MLLT1: variants seen among roughly 807,000 people sequenced by gnomAD.
MLLT1 encodes the protein protein ENL.
A neutral mutation model predicts 55.1 loss-of-function variants in MLLT1; 11 were observed. The ratio of observed to expected loss-of-function variants is 0.20; its 90% CI spans 0.13 to 0.33. The LOEUF is 0.33. Among genes scored for constraint, MLLT1 ranks in the 10% least tolerant of loss-of-function variants. The pLI, the probability that MLLT1 is intolerant of heterozygous loss-of-function variation, is 1.00. For missense variants in MLLT1, 536 were observed against 760.6 expected (o/e 0.70, Z 3.47); for synonymous variants, 323 against 320.1 (o/e 1.01, Z -0.10).
chr19:6,221,124 C>T (rs901459288), intron 6 of MLLT1, among the ~76,000 whole-genome samples: 1 of 152,206 alleles, frequency 6.6e-6, no homozygotes, highest in East Asian at 1.9e-4. Flanking sequence ...CTGGGACCTG[C>T]ATTCAAAGCC....
In MLLT1 at chr19:6,213,053, C is replaced by T; in HGVS notation, c.1669G>A (p.Val557Met). The change falls in exon 12 of 12, where the codon GTG becomes ATG. Residue 557 changes from valine (V) to methionine (M), a missense_variant. Around this residue, in one of 3 missense-constraint regions of MLLT1, gnomAD observed 25 missense variants for 75.8 expected, o/e 0.33. Transcript: ENST00000252674. The part of the protein sequence containing the change: ...VRKLQSCLEA[V>M]AT ...CACGCGGCCCAGGGTCATGTGGCCA[C>T]GGCCTCCAGGCAGCTCTGCAGTTTG... 3.7e-6 allele frequency: 6 copies of T among 1,613,628 alleles called. No homozygotes were observed. Among genetic ancestry groups the T allele is most frequent in the East Asian group, 2.2e-5 (1 of 44,864 alleles).
rs370146047 is a variant in MLLT1 at position 6,226,943 on chromosome 19, G to A, written c.546+34C>T. 1.7e-4 allele frequency: 253 copies of A among 1,524,926 alleles called. No individual in the cohort carries two copies. The highest frequency in any genetic ancestry group is 2.0e-4 in the Non-Finnish European group (233 of 1,137,476). The allele number at this position is 1,524,926 out of a possible 1,614,324, so 94.5% of individuals were successfully genotyped here. A position where few individuals can be genotyped will look rare whatever the true frequency, so the allele number is the denominator to read the frequency against. ...AGACCCACCACAGCTGGGCCCCGGC[G>A]CTCCCACGCGACTGGGCCTTCCGCC... is the stretch of plus-strand genomic sequence containing the variant. On this transcript the variant is annotated intron_variant, in intron 5 of 11. Transcript: ENST00000252674. This position sits in a 1 kb window ranked among gnomAD's most constrained non-coding sequence, Gnocchi z 6.3.
At position 6,222,381 on chromosome 19, in the gene MLLT1, T is replaced by C. The variant is rs557810555; in HGVS notation, c.850A>G (p.Ser284Gly). The C allele has an allele frequency of 4.6e-4, 271 of 588,268 alleles. 4 individuals are homozygous for C. The South Asian group carries it at 5.9e-3, about 13-fold the overall frequency. 36.4% of individuals were successfully genotyped at this position (588,268 alleles called of 1,614,324 possible). A position where few individuals can be genotyped will look rare whatever the true frequency, so the allele number is the denominator to read the frequency against. ...PPPPPPPRASSKRPATADSPK... is the reference protein window; with the variant it reads ...PPPPPPPRASGKRPATADSPK... ...GAGTCGGCGGTGGCCGGCCGCTTGC[T>C]GGAAGCCCGGGGTGGGGGTGGGGGT... Residue 284 changes from serine (S) to glycine (G), a missense_variant, in exon 6 of 12, where the codon AGC (serine) becomes GGC (glycine). This residue lies in a region of MLLT1 where 449 missense variants were observed against 489.0 expected (regional missense o/e 0.92). Coordinates refer to ENST00000252674, the MANE Select transcript of MLLT1 (RefSeq NM_005934.4). The surrounding 1 kb of genome is among the most constrained non-coding windows in gnomAD (Gnocchi z 4.1).
At position 6,256,016 on chromosome 19, in the gene MLLT1, G is replaced by A. The variant is rs1016941623; in HGVS notation, c.276+6212C>T. Among the ~76,000 whole-genome samples, 1 of 151,912 alleles carries A rather than the reference G, an allele frequency of 6.6e-6. No homozygotes were observed. Among genetic ancestry groups the A allele is most frequent in the Non-Finnish European group, 1.5e-5 (1 of 67,994 alleles). ...GGTAGATCACCTGAGGTCAGTTCGA[G>A]ACCAGCCTGGCCAATGTGGTGAAAC... On this transcript the variant is annotated intron_variant, in intron 3 of 11. Transcript: ENST00000252674. The surrounding 1 kb of genome is among the most constrained non-coding windows in gnomAD (Gnocchi z 4.1).
At chr19:6,279,385 G>A (rs546539653) in intron 1 of MLLT1, among the ~76,000 whole-genome samples, 92 of 152,236 alleles carry the variant, frequency 6.0e-4, no homozygotes, top group Middle Eastern at 3.4e-3. Flanking sequence ...CCTGGAAGGA[G>A]CTCTGGGCCA....
intron 3 of MLLT1, among the ~76,000 whole-genome samples, chr19:6,261,762 C>T (rs2091307908): frequency 6.6e-6 from 1 of 151,924 alleles, no homozygotes; most frequent in African/African-American, 2.4e-5. Flanking sequence ...CTTTTTCCTT[C>T]AAGTATTATA....
At chr19:6,216,134 G>A (rs1424508387) in intron 8 of MLLT1, among the ~76,000 whole-genome samples, 1 of 152,124 alleles carries the variant, frequency 6.6e-6, no homozygotes, top group Non-Finnish European at 1.5e-5. Context: ...GCCCACACCT[G>A]CCAGTGACCA....
chr19:6,222,008 T>G lies in MLLT1; in HGVS notation c.1110+113A>C. On this transcript the variant is annotated intron_variant, in intron 6 of 11. Transcript: ENST00000252674. This position sits in a 1 kb window ranked among gnomAD's most constrained non-coding sequence, Gnocchi z 4.1. ...ACAAGAAGCCAGTGGGAGGAGCAGC[T>G]GGTGAGACCTGAGGTCCTGGCTCAG... 1.2e-6 allele frequency: 1 copy of G among 830,392 alleles called. No individual in the cohort carries two copies. Among genetic ancestry groups the G allele is most frequent in the Non-Finnish European group, 1.7e-6 (1 of 599,076 alleles). The allele number at this position is 830,392 out of a possible 1,614,324, so 51.4% of individuals were successfully genotyped here.
intron 2 of MLLT1, chr19:6,263,130 G>A (rs976076391): frequency 2.0e-5 from 3 of 152,294 alleles, no homozygotes; most frequent in African/African-American, 7.2e-5. Context: ...GTTGCAGTAA[G>A]CGGAGATTGT....
At chr19:6,250,552 T>C (rs1160735652) in intron 3 of MLLT1, among the ~76,000 whole-genome samples, 2 of 152,214 alleles carry the variant, frequency 1.3e-5, no homozygotes, top group South Asian at 2.1e-4. Flanking sequence ...TCCCATATAC[T>C]TGAAATCATC....
intron 6 of MLLT1, 54 bp from the exon 7 acceptor site, chr19:6,218,095 T>C: frequency 2.6e-6 from 4 of 1,545,940 alleles, no homozygotes; most frequent in Non-Finnish European, 3.5e-6. Flanking sequence ...GCTGTCACCT[T>C]TCAGCAGAGA....
In MLLT1 at chr19:6,216,281, T is replaced by G; in HGVS notation, c.1307+124A>C. 5.7e-6 allele frequency: 4 copies of G among 703,442 alleles called. No individual in the cohort carries two copies. In the South Asian group the frequency reaches 6.8e-5, roughly 12 times the overall value. 43.6% of individuals were successfully genotyped at this position (703,442 alleles called of 1,614,324 possible). ...CTGGGGCCACCTGGGGATGGATCCC[T>G]GCTTTGGCCCTCCCAGGGGACCCTC... On this transcript the variant is annotated intron_variant, in intron 8 of 11. Coordinates refer to ENST00000252674, the MANE Select transcript of MLLT1 (RefSeq NM_005934.4).
At chr19:6,245,608 G>A (rs1199162568) in intron 3 of MLLT1, among the ~76,000 whole-genome samples, 1 of 152,206 alleles carries the variant, frequency 6.6e-6, no homozygotes, top group Non-Finnish European at 1.5e-5. Flanking sequence ...CTACTTGGGA[G>A]GCTGAGGCAG....
rs943385643 is a variant in MLLT1, at chr19:6,229,132, G to A, written c.420+1438C>T. On this transcript the variant is annotated intron_variant, in intron 4 of 11. Coordinates refer to ENST00000252674, the MANE Select transcript of MLLT1 (RefSeq NM_005934.4). This position sits in a 1 kb window ranked among gnomAD's most constrained non-coding sequence, Gnocchi z 5.2. ...GCCACGCCACCACGGAACCTCCGGG[G>A]ACGCCCAAAAACACCTACTGCAAAC... Among the ~76,000 whole-genome samples the A allele has an allele frequency of 2.6e-5, 4 of 152,136 alleles. No individual in the cohort carries two copies. Among genetic ancestry groups the A allele is most frequent in the Middle Eastern group, 3.2e-3 (1 of 316 alleles).
intron 1 of MLLT1, among the ~76,000 whole-genome samples, chr19:6,275,183 A>G (rs1042584532): frequency 2.0e-5 from 3 of 152,222 alleles, no homozygotes; most frequent in African/African-American, 7.2e-5. Flanking sequence ...GGAATTCTCA[A>G]TAGATGCCCT....
In MLLT1 at chr19:6,231,984, C is replaced by A. The variant is rs2091015780; in HGVS notation, c.277-1271G>T. ...GGGCGCGGTGGCTCACGCCTGTAAC[C>A]CAGAACTCTGGGAGGTTGAGGCAGA... is the stretch of plus-strand genomic sequence containing the variant. On this transcript the variant is annotated intron_variant, in intron 3 of 11. Transcript: ENST00000252674. This position sits in a 1 kb window ranked among gnomAD's most constrained non-coding sequence, Gnocchi z 5.1. Among the ~76,000 whole-genome samples the A allele has an allele frequency of 1.3e-5, 2 of 152,154 alleles. No individual in the cohort carries two copies. Among genetic ancestry groups the A allele is most frequent in the South Asian group, 4.1e-4 (2 of 4,826 alleles).
chr19:6,213,876 CAGCCCGGCCCAGGGCTA>C (rs1275886170), intron 9 of MLLT1, 46 bp downstream of exon 9: 4 of 1,546,176 alleles, frequency 2.6e-6, no homozygotes, highest in Non-Finnish European at 3.5e-6. Context: ...CCTCCTAGGA[CAGCCCGGCCCAGGGCTA>C]AGCCCGGCCT....
chr19:6,265,046 AAACAAAAAAACAAAAAAAC>A (rs752654647), intron 2 of MLLT1, among the ~76,000 whole-genome samples: 7 of 58,002 alleles, frequency 1.2e-4, no homozygotes, highest in African/African-American at 4.0e-4. Context: ...AGCAAAAAAA[AAACAAAAAAACAAAAAAAC>A]AAAAAAAAAC....
In MLLT1 at chr19:6,215,140, C is replaced by T. The variant is rs3787072; in HGVS notation, c.1308-1102G>A. Reference sequence around the variant, plus strand: ...AGACCAGGGTGTGCAGAAGCTCCGACGGTGTGGCCTGGGCGCTCCCTGCCC... The same window carrying T: ...AGACCAGGGTGTGCAGAAGCTCCGATGGTGTGGCCTGGGCGCTCCCTGCCC... On this transcript the variant is annotated intron_variant, in intron 8 of 11. Transcript: ENST00000252674. Among the ~76,000 whole-genome samples the T allele has an allele frequency of 2.6e-3, 396 of 152,040 alleles. 3 individuals are homozygous for T. The highest frequency in any genetic ancestry group is 4.3e-3 in the Non-Finnish European group (293 of 67,924).
Sources: allele counts gnomAD v4.1 joint callset (sites outside exome capture counted in the v4.1 genomes callset), GRCh38; gene constraint gnomAD v4.1.1; regional missense constraint gnomAD v4.1.1; non-coding constraint Gnocchi (gnomAD v3.1); transcripts MANE v1.5; gene names NCBI Gene and HGNC (gene_info 2026-07-23, HGNC 2026-07-21).